Variants in C3 observed in about 807,000 individuals in gnomAD.
C3 encodes C3 and PZP-like alpha-2-macroglobulin domain-containing protein 1.
In C3, 97 loss-of-function variants were observed where a neutral mutation model predicts 207.9. That is an observed-to-expected ratio of 0.47 (90% CI 0.40 to 0.55). The LOEUF (loss-of-function observed/expected upper bound fraction) is 0.55, where lower values mean the gene tolerates loss of function less well. C3 is among the 20% of genes least tolerant of loss of function. The pLI is 0.00. For missense variants in C3, 1,684 were observed against 2,171.7 expected (o/e 0.78, Z 4.46); for synonymous variants, 848 against 857.6 (o/e 0.99, Z 0.20).
chr19:6,718,474 T>G, intron 2 of C3, 62 bp from the exon 3 acceptor site: 1 of 1,594,354 alleles, frequency 6.3e-7, no homozygotes, highest in Non-Finnish European at 8.6e-7. Context: ...CGGTCCAGCT[T>G]CCGGATCTTG....
chr19:6,711,171 G>C lies in C3; in HGVS notation c.1295C>G (p.Ser432Trp). Residue 432 changes from serine (S) to tryptophan (W), a missense_variant, in exon 12 of 41, where the codon TCG becomes TGG. Ser to Trp is a radical substitution (Grantham distance 177). Transcript: ENST00000245907. ...GGTCCTGGTAGCCTGCTCTGCCTCC[G>C]AGAGCTCCTGCTTCTTCGTGCGCAC... ...ITVRTKKQEL[S>W]EAEQATRTMQ... The C allele has an allele frequency of 6.2e-7, 1 of 1,613,546 alleles. No homozygotes were observed. The highest frequency in any genetic ancestry group is 1.3e-5 in the African/African-American group (1 of 75,002).
chr19:6,684,744 G>A (rs756509276), intron 31 of C3, 31 bp downstream of exon 31: 12 of 1,612,716 alleles, frequency 7.4e-6, no homozygotes, highest in South Asian at 1.1e-5. Context: ...GAGGGGCATG[G>A]GCCAGGCAGG....
Position 6,677,927 on chromosome 19 carries a change from G to A in C3, c.4947C>T (p.Leu1649=), listed in dbSNP as rs377762182. Residue 1649 remains leucine, a synonymous_variant, in exon 41 of 41, where the codon CTC becomes CTT. Coordinates refer to ENST00000245907, the MANE Select transcript of C3 (RefSeq NM_000064.4). ...DEENQKQCQD[L]GAFTESMVVF... is the part of the protein sequence containing the mutation. ...CAACCATGCTCTCGGTGAAGGCGCC[G>A]AGGTCCTGGCATTGTTTCTGGTTCT... The A allele has an allele frequency of 3.9e-5, 62 of 1,603,252 alleles. No homozygotes were observed. The African/African-American group carries it at 8.2e-4, about 21-fold the overall frequency.
Position 6,677,967 on chromosome 19 carries a change from T to C in C3, c.4907A>G (p.Glu1636Gly). 1 of 1,614,052 alleles carries C rather than the reference T, an allele frequency of 6.2e-7. No individual in the cohort carries two copies. Among genetic ancestry groups the C allele is most frequent in the Non-Finnish European group, 8.5e-7 (1 of 1,180,004 alleles). Reference protein sequence around the residue: ...TWVEHWPEEDECQDEENQKQC... With the variant: ...TWVEHWPEEDGCQDEENQKQC... ...TTTCTGGTTCTCTTCGTCTTGGCAT[T>C]CGTCCTCCTCGGGCCAGTGCTCCAC... Residue 1636 changes from glutamate to glycine, a missense_variant, in exon 41 of 41, where the codon GAA (glutamate) becomes GGA (glycine). By Grantham distance (98) the Glu-to-Gly change is moderately conservative. This residue lies in a region of C3 where 346 missense variants were observed against 380.1 expected (regional missense o/e 0.91). Transcript: ENST00000245907.
chr19:6,691,989 AACACACACACACACAC>A (rs57940862), intron 26 of C3, among the ~76,000 whole-genome samples: 102 of 136,938 alleles, frequency 7.4e-4, no homozygotes, highest in Non-Finnish European at 1.1e-3. Context: ...CTCCATCTCA[AACACACACACACACAC>A]ACACACACAC....
intron 17 of C3, chr19:6,702,832 G>A: frequency 2.4e-6 from 1 of 418,506 alleles, no homozygotes; most frequent in Non-Finnish European, 4.5e-6. Context: ...TCAGGACTTT[G>A]AGACCAGCCT....
intron 19 of C3, among the ~76,000 whole-genome samples, chr19:6,699,296 A>G (rs572324444): frequency 6.7e-6 from 1 of 149,236 alleles, no homozygotes; most frequent in Non-Finnish European, 1.5e-5. Context: ...GCTGGTCTCA[A>G]ACTCCGACCT....
At chr19:6,705,343 T>C (rs1319747204) in intron 17 of C3, among the ~76,000 whole-genome samples, 1 of 151,506 alleles carries the variant, frequency 6.6e-6, no homozygotes, top group African/African-American at 2.4e-5. Flanking sequence ...TCTCTCTCTT[T>C]TTTTTTTTTT....
chr19:6,688,416 A>G (rs1425707175), intron 27 of C3, among the ~76,000 whole-genome samples: 1 of 152,170 alleles, frequency 6.6e-6, no homozygotes, highest in Non-Finnish European at 1.5e-5. Context: ...TTACAGGCTC[A>G]CTGTGCCTGG....
intron 23 of C3, among the ~76,000 whole-genome samples, chr19:6,695,051 A>C (rs1281416275): frequency 6.6e-6 from 1 of 151,954 alleles, no homozygotes; most frequent in African/African-American, 2.4e-5. Context: ...TGGGTGGATC[A>C]CCTGAGGTCA....
At position 6,694,461 on chromosome 19, in the gene C3, G is replaced by T; in HGVS notation, c.3124C>A (p.Arg1042=). ...EQWEKFGLEK[R]QGALELIKKG... Reference sequence around the variant, plus strand: ...TTGATGAGCTCCAAGGCCCCCTGCCGCTTCTCTAGGCCGAACTTCTCCCAC... The same window carrying T: ...TTGATGAGCTCCAAGGCCCCCTGCCTCTTCTCTAGGCCGAACTTCTCCCAC... Residue 1042 remains arginine (R), a synonymous_variant, in exon 24 of 41, where the codon CGG becomes AGG. Coordinates refer to ENST00000245907, the MANE Select transcript of C3 (RefSeq NM_000064.4). 1 of 1,614,082 alleles carries T rather than the reference G, an allele frequency of 6.2e-7. No individual in the cohort carries two copies. The highest frequency in any genetic ancestry group is 8.5e-7 in the Non-Finnish European group (1 of 1,179,974).
chr19:6,720,442 GGGACCT>G (rs1968137465), intron 1 of C3, 68 bp downstream of exon 1: 1 of 1,077,568 alleles, frequency 9.3e-7, no homozygotes, highest in African/African-American at 1.6e-5. Context: ...GAATTCTACA[GGGACCT>G]GGACCCCCAA....
intron 19 of C3, among the ~76,000 whole-genome samples, chr19:6,698,449 C>G (rs1324430054): frequency 6.6e-6 from 1 of 152,186 alleles, no homozygotes; most frequent in Admixed American, 6.5e-5. Flanking sequence ...GAGCGCTGAG[C>G]ACTTGAAATG....
intron 4 of C3, among the ~76,000 whole-genome samples, chr19:6,715,400 C>A (rs1968008896): frequency 6.6e-6 from 1 of 152,012 alleles, no homozygotes; most frequent in South Asian, 2.1e-4. Flanking sequence ...AGCTTGGGCC[C>A]AGGAGGTCAA....
intron 23 of C3, 146 bp from the exon 24 acceptor site, chr19:6,694,780 G>C: frequency 2.8e-6 from 2 of 712,822 alleles, no homozygotes; most frequent in Non-Finnish European, 4.6e-6. Flanking sequence ...TGCGGGGAGG[G>C]GAGGCTGCAT....
At chr19:6,713,048 A>T in intron 9 of C3, 141 bp downstream of exon 9, 1 of 1,002,326 alleles carries the variant, frequency 1.0e-6, no homozygotes, top group Non-Finnish European at 1.6e-6. Flanking sequence ...CCCCTCTCAG[A>T]CTGGGCCTAC....
At position 6,708,626 on chromosome 19, in the gene C3, CCTTT is replaced by C. The variant is rs1431147932; in HGVS notation, c.1846-701_1846-698del. ...TCCCTCCCTCCCTTCCTCTTTATCTCCTTTCTTTTTCTTTCTCTCTGTTTCTCTC... is the reference window on the plus strand; with the variant it reads ...TCCCTCCCTCCCTTCCTCTTTATCTCCTTTTTCTTTCTCTCTGTTTCTCTC... On this transcript the variant is annotated intron_variant, in intron 14 of 40. Transcript: ENST00000245907. Among the ~76,000 whole-genome samples, 4 of 143,650 alleles carry C rather than the reference CCTTT, an allele frequency of 2.8e-5. No homozygotes were observed. The South Asian group carries it at 7.2e-4, about 26-fold the overall frequency. 94.2% of individuals were successfully genotyped at this position (143,650 alleles called of 152,430 possible). A position where few individuals can be genotyped will look rare whatever the true frequency, so the allele number is the denominator to read the frequency against.
At chr19:6,709,864 C>G (rs144643540) in intron 13 of C3, 22 bp from the exon 14 acceptor site, 2 of 1,610,932 alleles carry the variant, frequency 1.2e-6, no homozygotes, top group East Asian at 2.2e-5. Flanking sequence ...GTGGAGACGC[C>G]GAAAGAAGTC....
chr19:6,718,199 G>GCCCGCCCACGCCGGTGC lies in C3; in HGVS notation c.433+31_434-36dup, dbSNP rs772230907. ...GACAAAGAGGCCTCGTGAGACCCTA[G>GCCCGCCCACGCCGGTGC]CCCGCCCACGCCGGTGCCCCGCCCT... On this transcript the variant is annotated intron_variant, in intron 3 of 40. Transcript: ENST00000245907. The GCCCGCCCACGCCGGTGC allele has an allele frequency of 6.8e-6, 11 of 1,613,882 alleles. No individual in the cohort carries two copies. The African/African-American group carries it at 1.5e-4, about 22-fold the overall frequency.
Sources: gnomAD v4.1 joint callset for allele counts (sites outside exome capture counted in the v4.1 genomes callset) on GRCh38, gnomAD v4.1.1 for gene constraint, gnomAD v4.1.1 regional missense constraint, MANE v1.5 for transcripts, NCBI Gene and HGNC (gene_info 2026-07-23, HGNC 2026-07-21) for gene names.